Variants in SLC3A2 observed in about 807,000 individuals in gnomAD.
The protein encoded by SLC3A2 is amino acid transporter heavy chain SLC3A2.
In SLC3A2, 32 loss-of-function variants were observed where a neutral mutation model predicts 48.5. The ratio of observed to expected loss-of-function variants is 0.66; its 90% CI spans 0.50 to 0.89. SLC3A2 has a LOEUF of 0.89. SLC3A2 is among the 40% of genes least tolerant of loss of function. The probability of loss-of-function intolerance (pLI) is 0.00; values close to 1 mark genes in which losing one functional copy is unlikely to be tolerated. For missense variants in SLC3A2, 587 were observed against 680.7 expected (o/e 0.86, Z 1.53); for synonymous variants, 277 against 288.8 (o/e 0.96, Z 0.41).
Position 62,881,752 on chromosome 11 carries a change from G to T in SLC3A2, c.425-141G>T. ...CAGGACTCCTTACATCAGCTCCTCTGAGTCTCGTGATTCAGCCTTGCCTCC... is the reference window on the plus strand; with the variant it reads ...CAGGACTCCTTACATCAGCTCCTCTTAGTCTCGTGATTCAGCCTTGCCTCC... On this transcript the variant is annotated intron_variant, in intron 1 of 8. Coordinates refer to ENST00000338663, the MANE Select transcript of SLC3A2 (RefSeq NM_001013251.3). The surrounding 1 kb of genome is among the most constrained non-coding windows in gnomAD (Gnocchi z 4.0). 1 of 980,962 alleles carries T rather than the reference G, an allele frequency of 1.0e-6. No individual in the cohort carries two copies. The highest frequency in any genetic ancestry group is 1.5e-6 in the Non-Finnish European group (1 of 666,878). The allele number at this position is 980,962 out of a possible 1,614,324, so 60.8% of individuals were successfully genotyped here. A position where few individuals can be genotyped will look rare whatever the true frequency, so the allele number is the denominator to read the frequency against.
chr11:62,860,968 A>G (rs555526186), intron 1 of SLC3A2, among the ~76,000 whole-genome samples: 1 of 152,344 alleles, frequency 6.6e-6, no homozygotes, highest in East Asian at 1.9e-4. Context: ...TTACAGATTA[A>G]CGGTGTTTCA....
intron 1 of SLC3A2, among the ~76,000 whole-genome samples, chr11:62,870,078 T>TG (rs1481768953): frequency 6.6e-6 from 1 of 152,134 alleles, no homozygotes; most frequent in African/African-American, 2.4e-5. Context: ...ATTACAGACG[T>TG]GAGCCACCGC....
At chr11:62,886,399 T>TTTTG (rs199802978) in intron 7 of SLC3A2, 16 of 151,724 alleles carry the variant, frequency 1.1e-4, no homozygotes, top group African/African-American at 3.1e-4. Flanking sequence ...GACTTTTTTT[T>TTTTG]TTTGTTTGTT....
intron 3 of SLC3A2, chr11:62,883,982 T>G (rs1242820451): frequency 2.2e-6 from 1 of 456,528 alleles, no homozygotes; most frequent in Non-Finnish European, 4.4e-6. Context: ...ACTCACACCT[T>G]CCCCAGGCCT....
chr11:62,886,549 G>C (rs1303997116), intron 7 of SLC3A2: 1 of 152,040 alleles, frequency 6.6e-6, no homozygotes, highest in Non-Finnish European at 1.5e-5. Flanking sequence ...CTGAGTAGCT[G>C]GGATATGTAC....
chr11:62,885,712 G>A (rs1208641135), intron 7 of SLC3A2, 104 bp downstream of exon 7: 10 of 1,298,690 alleles, frequency 7.7e-6, no homozygotes, highest in Middle Eastern at 2.0e-4. Context: ...GTGAAAACGC[G>A]TTTGATTCTT....
chr11:62,884,722 T>A lies in SLC3A2; in HGVS notation c.818+32T>A, dbSNP rs183182716. On this transcript the variant is annotated intron_variant, in intron 5 of 8. Coordinates refer to ENST00000338663, the MANE Select transcript of SLC3A2 (RefSeq NM_001013251.3). ...GCAGGAGCCATTCTGCTGACTCAGC[T>A]CCAATGTGGGAACCCCTCAGTGGAG... 1.0e-3 allele frequency: 1,587 copies of A among 1,554,364 alleles called. 5 individuals carry two copies. The highest frequency in any genetic ancestry group is 9.1e-3 in the Middle Eastern group (52 of 5,696).
rs143257647 is a variant in SLC3A2, at chr11:62,886,017, C to T, written c.1143+409C>T. ...AGAAGTACATGGCAGTGGCTGGGCACGGTGGCTCATGCCTGTAATCCTAGC... is the reference window on the plus strand; with the variant it reads ...AGAAGTACATGGCAGTGGCTGGGCATGGTGGCTCATGCCTGTAATCCTAGC... On this transcript the variant is annotated intron_variant, in intron 7 of 8. Transcript: ENST00000338663. Among the ~76,000 whole-genome samples, 339 of 152,226 alleles carry T rather than the reference C, an allele frequency of 2.2e-3. 6 individuals are homozygous for T. Among genetic ancestry groups the T allele is most frequent in the Non-Finnish European group, 2.6e-3 (178 of 68,022 alleles).
At chr11:62,873,799 C>A (rs1331638371) in intron 1 of SLC3A2, among the ~76,000 whole-genome samples, 1 of 151,646 alleles carries the variant, frequency 6.6e-6, no homozygotes, top group East Asian at 1.9e-4. Flanking sequence ...TTGTTTATTT[C>A]TAATTTTTAT....
intron 1 of SLC3A2, among the ~76,000 whole-genome samples, chr11:62,857,361 G>A (rs182409307): frequency 2.8e-3 from 430 of 151,280 alleles, no homozygotes; most frequent in Middle Eastern, 0.017. Flanking sequence ...CTGACCTCAG[G>A]TGACCTCCTG....
At chr11:62,877,566 G>A (rs2085583555), upstream of SLC3A2, among the ~76,000 whole-genome samples, 1 of 152,244 alleles carries the variant, frequency 6.6e-6, no homozygotes, top group Non-Finnish European at 1.5e-5. Context: ...CATGATTGTA[G>A]CAGAGGCAGA....
At chr11:62,869,176 GGT>G (rs1185930358) in intron 1 of SLC3A2, among the ~76,000 whole-genome samples, 1 of 151,974 alleles carries the variant, frequency 6.6e-6, no homozygotes, top group Non-Finnish European at 1.5e-5. Flanking sequence ...TGGGATTACA[GGT>G]GTGAGACACC....
chr11:62,877,520 G>A (rs984591792), upstream of SLC3A2, among the ~76,000 whole-genome samples: 2 of 152,242 alleles, frequency 1.3e-5, no homozygotes, highest in African/African-American at 4.8e-5. Flanking sequence ...AGGACAAAGA[G>A]ACATCCAGAC....
At chr11:62,874,720 C>T (rs1279007544) in intron 1 of SLC3A2, among the ~76,000 whole-genome samples, 1 of 151,990 alleles carries the variant, frequency 6.6e-6, no homozygotes, top group African/African-American at 2.4e-5. Flanking sequence ...ATTTCAGCCA[C>T]GCTTTGACTT....
chr11:62,883,310 G>GT (rs1241505984), intron 3 of SLC3A2: 6 of 339,044 alleles, frequency 1.8e-5, no homozygotes, highest in South Asian at 1.7e-4. Context: ...CCCTTTCTCT[G>GT]TGAGAATCCT....
At position 62,881,332 on chromosome 11, in the gene SLC3A2, C is replaced by A. The variant is rs1310667815; in HGVS notation, c.309C>A (p.Ile103=). The change falls in exon 1 of 9, where the codon ATC becomes ATA. Residue 103 remains isoleucine, a synonymous_variant. Transcript: ENST00000338663. The surrounding 1 kb of genome is among the most constrained non-coding windows in gnomAD (Gnocchi z 4.0). The part of the protein sequence containing the change: ...LGMLAGAVVI[I]VRAPRCRELP... ...TGCTTGCTGGTGCCGTGGTCATAAT[C>A]GTGCGAGCGCCGCGTTGTCGCGAGC... 6.3e-7 allele frequency: 1 copy of A among 1,586,034 alleles called. No individual in the cohort carries two copies. Among genetic ancestry groups the A allele is most frequent in the Admixed American group, 1.8e-5 (1 of 56,038 alleles).
chr11:62,857,698 A>G (rs898153563), intron 1 of SLC3A2, among the ~76,000 whole-genome samples: 12 of 114,954 alleles, frequency 1.0e-4, no homozygotes, highest in African/African-American at 4.1e-4. Context: ...CCTGTCTCAA[A>G]AAAAAAAAAA....
chr11:62,885,041 A>G, intron 5 of SLC3A2, 136 bp from the exon 6 acceptor site: 1 of 906,388 alleles, frequency 1.1e-6, no homozygotes. Context: ...ATGTTGGTCA[A>G]GCCAGTCTCG....
intron 7 of SLC3A2, 45 bp downstream of exon 7, chr11:62,885,653 C>G (rs758333967): frequency 1.9e-6 from 3 of 1,601,904 alleles, no homozygotes; most frequent in East Asian, 2.2e-5. Context: ...GTTTATCCAT[C>G]TTACAATGAT....
Sources: gnomAD v4.1 joint callset for allele counts (sites outside exome capture counted in the v4.1 genomes callset) on GRCh38, gnomAD v4.1.1 for gene constraint, Gnocchi (gnomAD v3.1) non-coding constraint, MANE v1.5 for transcripts, NCBI Gene and HGNC (gene_info 2026-07-23, HGNC 2026-07-21) for gene names.